Variants in AGPAT5 observed in about 807,000 individuals in gnomAD.
The protein encoded by AGPAT5 is 1-acylglycerol-3-phosphate O-acyltransferase 5.
Under a neutral mutation model 45.6 loss-of-function variants are expected in AGPAT5, and 46 were observed. The ratio of observed to expected loss-of-function variants is 1.01; its 90% CI spans 0.80 to 1.29. AGPAT5 has a LOEUF of 1.29. Ranked by LOEUF, AGPAT5 falls within the 50% of genes most tolerant of loss-of-function variation. The pLI is 0.00. For synonymous variants in AGPAT5, 272 were observed against 167.0 expected (o/e 1.63, Z -4.85); for missense variants, 673 against 450.7 (o/e 1.49, Z -4.47).
chr8:6,741,296 A>G (rs1044761129), intron 4 of AGPAT5, among the ~76,000 whole-genome samples: 8 of 152,098 alleles, frequency 5.3e-5, no homozygotes, highest in African/African-American at 1.9e-4. Context: ...TTGTATTTCT[A>G]AAAATGACGT....
At chr8:6,721,203 G>C (rs923057899) in intron 1 of AGPAT5, among the ~76,000 whole-genome samples, 1 of 152,278 alleles carries the variant, frequency 6.6e-6, no homozygotes, top group South Asian at 2.1e-4. Context: ...ATGCTTTACA[G>C]CAGAAATCTT....
At chr8:6,739,046 T>C (rs1475394105) in intron 4 of AGPAT5, among the ~76,000 whole-genome samples, 5 of 152,148 alleles carry the variant, frequency 3.3e-5, no homozygotes, top group Admixed American at 3.3e-4. Context: ...ACCATCACTA[T>C]AGAAAAGATT....
Position 6,730,787 on chromosome 8 carries a change from G to T in AGPAT5, c.366G>T (p.Gly122=), listed in dbSNP as rs1587024895. ...LGHVRYVLKE[G]LKWLPLYGCY... ...ATGTGCGCTACGTGCTGAAAGAAGG[G>T]TTAAAATGGCTGCCATTGTATGGGT... Residue 122 remains glycine (G), a synonymous_variant, in exon 3 of 8, where the codon GGG becomes GGT. Transcript: ENST00000285518. 1 of 1,613,356 alleles carries T rather than the reference G, an allele frequency of 6.2e-7. No individual in the cohort carries two copies. The highest frequency in any genetic ancestry group is 8.5e-7 in the Non-Finnish European group (1 of 1,179,538).
At chr8:6,713,824 A>G (rs899927068) in intron 1 of AGPAT5, among the ~76,000 whole-genome samples, 2 of 152,148 alleles carry the variant, frequency 1.3e-5, no homozygotes, top group African/African-American at 4.8e-5. Flanking sequence ...TTGATCCACC[A>G]TGCTTAGCTG....
At chr8:6,746,512 G>C (rs1801468702) in intron 5 of AGPAT5, among the ~76,000 whole-genome samples, 1 of 152,188 alleles carries the variant, frequency 6.6e-6, no homozygotes, top group Non-Finnish European at 1.5e-5. Context: ...AAAGTTGGAT[G>C]AGCTCCAGTA....
intron 4 of AGPAT5, among the ~76,000 whole-genome samples, chr8:6,734,085 G>T (rs1373926533): frequency 6.6e-6 from 1 of 152,014 alleles, no homozygotes; most frequent in African/African-American, 2.4e-5. Context: ...TACCTGGATT[G>T]GTCCTCTGAG....
chr8:6,714,898 C>G (rs1028095397), intron 1 of AGPAT5, among the ~76,000 whole-genome samples: 1 of 152,152 alleles, frequency 6.6e-6, no homozygotes, highest in Admixed American at 6.5e-5. Context: ...TTTTGTGGAG[C>G]TGATGCTTCT....
At chr8:6,728,593 T>C (rs1444736299) in intron 2 of AGPAT5, among the ~76,000 whole-genome samples, 1 of 152,190 alleles carries the variant, frequency 6.6e-6, no homozygotes, top group African/African-American at 2.4e-5. Flanking sequence ...ATAAAACCAT[T>C]TGTTTTAAAA....
intron 3 of AGPAT5, among the ~76,000 whole-genome samples, chr8:6,731,401 A>G (rs995466324): frequency 2.0e-5 from 3 of 152,318 alleles, no homozygotes. Context: ...AGAATGGGAT[A>G]GTATTTGCAT....
intron 1 of AGPAT5, among the ~76,000 whole-genome samples, chr8:6,718,133 A>T (rs1371234218): frequency 6.6e-6 from 1 of 152,190 alleles, no homozygotes; most frequent in African/African-American, 2.4e-5. Context: ...ACTCAGAAAA[A>T]ACACACCCTC....
At chr8:6,729,597 T>A (rs963101506) in intron 2 of AGPAT5, among the ~76,000 whole-genome samples, 7 of 152,236 alleles carry the variant, frequency 4.6e-5, no homozygotes, top group Admixed American at 3.9e-4. Context: ...TCTTAAGACC[T>A]GTATCATTTG....
At chr8:6,716,574 C>G (rs1800337613) in intron 1 of AGPAT5, among the ~76,000 whole-genome samples, 1 of 152,122 alleles carries the variant, frequency 6.6e-6, no homozygotes. Flanking sequence ...GAGGCTCACG[C>G]TGGTAATCCA....
intron 1 of AGPAT5, among the ~76,000 whole-genome samples, chr8:6,714,500 G>C (rs1200961042): frequency 6.6e-6 from 1 of 152,146 alleles, no homozygotes; most frequent in Non-Finnish European, 1.5e-5. Context: ...GAACAAACCA[G>C]TTATTTCAGG....
intron 4 of AGPAT5, among the ~76,000 whole-genome samples, chr8:6,734,484 C>G (rs1800975423): frequency 6.6e-6 from 1 of 152,124 alleles, no homozygotes; most frequent in African/African-American, 2.4e-5. Flanking sequence ...GCTAGTGTAT[C>G]TATCTGATCA....
intron 4 of AGPAT5, among the ~76,000 whole-genome samples, chr8:6,740,377 A>G (rs913764962): frequency 6.6e-6 from 1 of 151,584 alleles, no homozygotes; most frequent in Non-Finnish European, 1.5e-5. Context: ...CTATAATATA[A>G]TAAGGAATTT....
intron 1 of AGPAT5, among the ~76,000 whole-genome samples, chr8:6,710,668 T>A (rs535626944): frequency 6.6e-6 from 1 of 152,344 alleles, no homozygotes; most frequent in East Asian, 1.9e-4. Context: ...TTTATTAGGG[T>A]CTTTTTCTGC....
intron 4 of AGPAT5, among the ~76,000 whole-genome samples, chr8:6,735,099 G>T (rs918409099): frequency 1.3e-5 from 2 of 152,098 alleles, no homozygotes; most frequent in Admixed American, 1.3e-4. Flanking sequence ...CTCTGATCCT[G>T]CCTTGCTTCT....
intron 1 of AGPAT5, among the ~76,000 whole-genome samples, chr8:6,719,302 G>A (rs1484402254): frequency 1.3e-5 from 2 of 152,170 alleles, no homozygotes; most frequent in East Asian, 1.9e-4. Flanking sequence ...AGTTAGTTCA[G>A]TATGGCAAAG....
At chr8:6,728,642 A>T (rs1022696253) in intron 2 of AGPAT5, among the ~76,000 whole-genome samples, 9 of 151,856 alleles carry the variant, frequency 5.9e-5, no homozygotes, top group Non-Finnish European at 1.2e-4. Flanking sequence ...TAAAAAAATT[A>T]TTGCAGGAAA....
Sources: gnomAD v4.1 joint callset for allele counts (sites outside exome capture counted in the v4.1 genomes callset) on GRCh38, gnomAD v4.1.1 for gene constraint, MANE v1.5 for transcripts, NCBI Gene and HGNC (gene_info 2026-07-23, HGNC 2026-07-21) for gene names.